SPOCK3: variants seen among roughly 807,000 people sequenced by gnomAD.
SPOCK3 encodes SPARC (osteonectin), cwcv and kazal like domains proteoglycan 3, also known as testican-3.
A neutral mutation model predicts 56.6 loss-of-function variants in SPOCK3; 30 were observed. The ratio of observed to expected loss-of-function variants is 0.53; its 90% CI spans 0.40 to 0.72. The LOEUF (loss-of-function observed/expected upper bound fraction) is 0.72, where lower values mean the gene tolerates loss of function less well. Ranked by LOEUF, SPOCK3 falls within the 30% of genes least tolerant of loss-of-function variation. The pLI is 0.00. For missense variants in SPOCK3, 527 were observed against 530.0 expected, an observed-to-expected ratio of 0.99 and a Z score of 0.06; for synonymous variants, 196 against 183.3, an observed-to-expected ratio of 1.07 and a Z score of -0.56.
chr4:167,074,821 A>G (rs1252052981), intron 2 of SPOCK3, among the ~76,000 whole-genome samples: 1 of 151,860 alleles, frequency 6.6e-6, no homozygotes, highest in Non-Finnish European at 1.5e-5. Context: ...TATTGTCAGG[A>G]TTTTCAAAGA....
intron 4 of SPOCK3, among the ~76,000 whole-genome samples, chr4:166,948,494 A>T (rs2150029920): frequency 6.6e-6 from 1 of 152,122 alleles, no homozygotes; most frequent in East Asian, 1.9e-4. Context: ...TGTGTTAGAG[A>T]TCCCTTTTCT....
intron 2 of SPOCK3, among the ~76,000 whole-genome samples, chr4:167,154,645 C>A (rs1334197535): frequency 1.3e-5 from 2 of 152,096 alleles, no homozygotes; most frequent in Non-Finnish European, 2.9e-5. Flanking sequence ...GTTGAGAAAT[C>A]CCCCCTGCCT....
intron 2 of SPOCK3, among the ~76,000 whole-genome samples, chr4:167,155,810 T>C (rs1052397805): frequency 6.6e-6 from 1 of 152,076 alleles, no homozygotes; most frequent in African/African-American, 2.4e-5. Context: ...GAGCCACATA[T>C]GAAATTTAAA....
At chr4:167,061,244 AT>A (rs1404709506) in intron 3 of SPOCK3, among the ~76,000 whole-genome samples, 1 of 152,006 alleles carries the variant, frequency 6.6e-6, no homozygotes, top group Non-Finnish European at 1.5e-5. Flanking sequence ...AAGGTTTGTG[AT>A]TCTATCATAA....
chr4:166,868,420 T>G (rs908168823), intron 6 of SPOCK3, among the ~76,000 whole-genome samples: 1 of 152,032 alleles, frequency 6.6e-6, no homozygotes, highest in Non-Finnish European at 1.5e-5. Context: ...GGTTTATGAT[T>G]GTGCCAGTGA....
chr4:167,145,545 T>C (rs376033266), intron 2 of SPOCK3, among the ~76,000 whole-genome samples: 1 of 151,912 alleles, frequency 6.6e-6, no homozygotes, highest in East Asian at 1.9e-4. Context: ...AAGAAAAATA[T>C]CTGAGATGGA....
At chr4:167,113,341 G>A (rs1392550136) in intron 2 of SPOCK3, among the ~76,000 whole-genome samples, 3 of 151,008 alleles carry the variant, frequency 2.0e-5, no homozygotes, top group East Asian at 1.9e-4. Flanking sequence ...ATATGAGTAT[G>A]CACTTGGCAT....
intron 9 of SPOCK3, among the ~76,000 whole-genome samples, chr4:166,738,366 C>A (rs1280490275): frequency 6.6e-6 from 1 of 151,628 alleles, no homozygotes; most frequent in African/African-American, 2.4e-5. Flanking sequence ...AGCCCATGGT[C>A]GAGAGGGAAC....
At chr4:166,892,593 G>A (rs4314314) in intron 5 of SPOCK3, among the ~76,000 whole-genome samples, 12,917 of 151,856 alleles carry the variant, frequency 0.085, 597 homozygotes, top group Non-Finnish European at 0.1. Flanking sequence ...TAATTACCAC[G>A]AAGCTGAAAT....
At chr4:166,926,238 C>A (rs1300231867) in intron 4 of SPOCK3, among the ~76,000 whole-genome samples, 1 of 152,034 alleles carries the variant, frequency 6.6e-6, no homozygotes, top group Non-Finnish European at 1.5e-5. Flanking sequence ...AAATATAGAA[C>A]ATGAGAAAAA....
intron 2 of SPOCK3, among the ~76,000 whole-genome samples, chr4:167,107,518 A>T (rs1436515301): frequency 1.3e-5 from 2 of 152,004 alleles, no homozygotes; most frequent in African/African-American, 4.8e-5. Context: ...GAATCCATGT[A>T]TGACAGACCC....
intron 6 of SPOCK3, among the ~76,000 whole-genome samples, chr4:166,811,614 G>T (rs973481905): frequency 6.6e-6 from 1 of 151,770 alleles, no homozygotes. Flanking sequence ...TGTACAGAAT[G>T]CTCCTCAGAG....
intron 3 of SPOCK3, among the ~76,000 whole-genome samples, chr4:167,050,666 C>G (rs1580125608): frequency 6.6e-6 from 1 of 152,132 alleles, no homozygotes. Context: ...GATAGATGAA[C>G]AGAGAAACAA....
chr4:167,129,951 A>G (rs559567178), intron 2 of SPOCK3, among the ~76,000 whole-genome samples: 1 of 152,298 alleles, frequency 6.6e-6, no homozygotes, highest in Admixed American at 6.5e-5. Flanking sequence ...TGTTTTGGTG[A>G]CATCTATATT....
intron 2 of SPOCK3, among the ~76,000 whole-genome samples, chr4:167,180,858 C>A (rs1731394416): frequency 6.6e-6 from 1 of 151,870 alleles, no homozygotes; most frequent in Admixed American, 6.6e-5. Flanking sequence ...AAATTTTCAG[C>A]CCGATGAGGT....
intron 1 of SPOCK3, 133 bp from the exon 2 acceptor site, chr4:167,234,306 A>T (rs1737512974): frequency 1.7e-5 from 14 of 847,136 alleles, no homozygotes; most frequent in Admixed American, 1.4e-4. Context: ...AGCAGAGGCA[A>T]GCGTGTCCCC....
chr4:167,001,612 T>C (rs933348347), intron 3 of SPOCK3, among the ~76,000 whole-genome samples: 2 of 152,208 alleles, frequency 1.3e-5, no homozygotes, highest in Non-Finnish European at 2.9e-5. Flanking sequence ...TTAATCCCAG[T>C]GACACTTTGT....
intron 3 of SPOCK3, among the ~76,000 whole-genome samples, chr4:167,027,719 G>A (rs758765938): frequency 9.9e-5 from 15 of 151,956 alleles, no homozygotes; most frequent in Non-Finnish European, 1.5e-4. Context: ...AAATCATAAG[G>A]AAGAGAAAAT....
At chr4:167,209,083 G>C (rs897139709) in intron 2 of SPOCK3, among the ~76,000 whole-genome samples, 2 of 151,960 alleles carry the variant, frequency 1.3e-5, no homozygotes, top group Admixed American at 6.6e-5. Flanking sequence ...ACAACTACTA[G>C]AGTCACCACT....
Sources: gnomAD v4.1 joint callset for allele counts (sites outside exome capture counted in the v4.1 genomes callset) on GRCh38, gnomAD v4.1.1 for gene constraint, MANE v1.5 for transcripts, NCBI Gene and HGNC (gene_info 2026-07-23, HGNC 2026-07-21) for gene names.